PEX5L: variants seen among roughly 807,000 people sequenced by gnomAD.
The protein encoded by PEX5L is PEX5-related protein.
Under a neutral mutation model 84.0 loss-of-function variants are expected in PEX5L, and 30 were observed. The ratio of observed to expected loss-of-function variants is 0.36; its 90% CI spans 0.27 to 0.48. PEX5L has a LOEUF of 0.48. PEX5L is among the 20% of genes least tolerant of loss of function. The probability of loss-of-function intolerance (pLI) is 0.99; values close to 1 mark genes in which losing one functional copy is unlikely to be tolerated. For synonymous variants in PEX5L, 270 were observed against 283.1 expected, an observed-to-expected ratio of 0.95 and a Z score of 0.46; for missense variants, 533 against 754.6, an observed-to-expected ratio of 0.71 and a Z score of 3.44.
chr3:179,874,487 C>A (rs1216095892), intron 6 of PEX5L, 64 bp from the exon 7 acceptor site: 2 of 838,374 alleles, frequency 2.4e-6, no homozygotes, highest in Non-Finnish European at 4.0e-6. Flanking sequence ...TAAATCCAGC[C>A]AAGAAACTAG....
At chr3:179,833,956 T>TG (rs1163612328) in intron 8 of PEX5L, among the ~76,000 whole-genome samples, 1 of 152,186 alleles carries the variant, frequency 6.6e-6, no homozygotes, top group Non-Finnish European at 1.5e-5. Context: ...CACTTCAGCC[T>TG]TCCAAGTATC....
Position 179,797,348 on chromosome 3 carries a change from A to G in PEX5L, c.*4480T>C, listed in dbSNP as rs1285388004. 1.3e-5 allele frequency: 2 copies of G among 152,188 alleles called. No individual in the cohort carries two copies. Among genetic ancestry groups the G allele is most frequent in the Non-Finnish European group, 2.9e-5 (2 of 68,024 alleles). 9.4% of individuals were successfully genotyped at this position (152,188 alleles called of 1,614,324 possible). A position where few individuals can be genotyped will look rare whatever the true frequency, so the allele number is the denominator to read the frequency against. ...AGCAAATAGAAAAACTGTAACACAA[A>G]GTTCATAAAAATGCTCCCTTGTATA... On this transcript the variant is annotated 3_prime_UTR_variant, in exon 15 of 15. Coordinates refer to ENST00000467460, the MANE Select transcript of PEX5L (RefSeq NM_016559.3).
intron 1 of PEX5L, among the ~76,000 whole-genome samples, chr3:179,972,393 A>G (rs1361398017): frequency 6.6e-6 from 1 of 152,164 alleles, no homozygotes; most frequent in African/African-American, 2.4e-5. Flanking sequence ...AAGGACATAG[A>G]TAATGATAAT....
At chr3:179,876,552 T>G (rs544619435) in intron 5 of PEX5L, among the ~76,000 whole-genome samples, 1 of 152,226 alleles carries the variant, frequency 6.6e-6, no homozygotes, top group South Asian at 2.1e-4. Context: ...TTTTTCCCCT[T>G]CTTTTTAAAA....
chr3:179,828,968 T>C (rs1197981184), intron 8 of PEX5L, among the ~76,000 whole-genome samples: 1 of 152,158 alleles, frequency 6.6e-6, no homozygotes, highest in Non-Finnish European at 1.5e-5. Flanking sequence ...AAACCCAGAA[T>C]GTGGAGAAAA....
intron 4 of PEX5L, among the ~76,000 whole-genome samples, chr3:179,885,742 G>A (rs993094557): frequency 1.3e-5 from 2 of 152,014 alleles, no homozygotes; most frequent in Non-Finnish European, 2.9e-5. Context: ...CATGAATATT[G>A]GAGTTATGCT....
intron 1 of PEX5L, among the ~76,000 whole-genome samples, chr3:180,012,373 G>A (rs1024734684): frequency 6.7e-6 from 1 of 149,922 alleles, no homozygotes; most frequent in African/African-American, 2.5e-5. Flanking sequence ...GAGTATTTTT[G>A]TATTCTTGCT....
chr3:179,829,952 T>A (rs1732106196), intron 8 of PEX5L, among the ~76,000 whole-genome samples: 1 of 135,634 alleles, frequency 7.4e-6, no homozygotes, highest in Non-Finnish European at 1.6e-5. Flanking sequence ...AATTTTTTTT[T>A]TTTTTTTTTT....
At chr3:179,857,517 G>C (rs1744472233) in intron 8 of PEX5L, among the ~76,000 whole-genome samples, 1 of 152,186 alleles carries the variant, frequency 6.6e-6, no homozygotes, top group South Asian at 2.1e-4. Context: ...GTCTGGTGGG[G>C]ATAAACGACT....
At chr3:179,893,964 A>G (rs532744781) in intron 3 of PEX5L, among the ~76,000 whole-genome samples, 1 of 151,948 alleles carries the variant, frequency 6.6e-6, no homozygotes, top group Non-Finnish European at 1.5e-5. Flanking sequence ...GGGTCTTGCT[A>G]TGTTGCCCAG....
At chr3:180,036,437 G>A in intron 1 of PEX5L, 142 bp downstream of exon 1, 3 of 838,400 alleles carry the variant, frequency 3.6e-6, no homozygotes, top group East Asian at 2.5e-5. Context: ...CGGCAGCACC[G>A]GACAGAAATG....
intron 8 of PEX5L, among the ~76,000 whole-genome samples, chr3:179,850,577 G>C (rs1333438428): frequency 6.6e-6 from 1 of 152,056 alleles, no homozygotes; most frequent in African/African-American, 2.4e-5. Flanking sequence ...GAGAGCAAAG[G>C]GAGTTTTGCC....
chr3:179,919,986 A>G (rs757684614), intron 2 of PEX5L, among the ~76,000 whole-genome samples: 7 of 152,224 alleles, frequency 4.6e-5, no homozygotes, highest in Admixed American at 6.5e-5. Context: ...TACAGGCATG[A>G]GCCACTGAGC....
At chr3:179,973,312 C>A in intron 1 of PEX5L, 1 of 1,260,672 alleles carries the variant, frequency 7.9e-7, no homozygotes, top group Non-Finnish European at 1.0e-6. Flanking sequence ...ACCAGAGAAC[C>A]ACAGATCTTG....
At chr3:179,839,552 T>C (rs1433818862) in intron 8 of PEX5L, among the ~76,000 whole-genome samples, 1 of 152,194 alleles carries the variant, frequency 6.6e-6, no homozygotes, top group Non-Finnish European at 1.5e-5. Flanking sequence ...TAAAGTCTTA[T>C]ACTGAGAAAA....
At chr3:180,030,930 T>C (rs558002443) in intron 1 of PEX5L, among the ~76,000 whole-genome samples, 1 of 151,918 alleles carries the variant, frequency 6.6e-6, no homozygotes, top group African/African-American at 2.4e-5. Flanking sequence ...GTCTTTTTTT[T>C]TTTTTCAATG....
chr3:179,909,286 A>C (rs1237076908), intron 2 of PEX5L, among the ~76,000 whole-genome samples: 1 of 152,186 alleles, frequency 6.6e-6, no homozygotes, highest in Admixed American at 6.5e-5. Flanking sequence ...AGGGGACCTA[A>C]GAAGACCAAA....
intron 2 of PEX5L, among the ~76,000 whole-genome samples, chr3:179,910,854 C>A (rs963070567): frequency 3.9e-5 from 6 of 152,166 alleles, no homozygotes; most frequent in African/African-American, 1.4e-4. Flanking sequence ...ACTTTTCTGT[C>A]AAACTTTCTG....
chr3:179,900,741 AAG>A (rs2109017475), intron 2 of PEX5L: 2 of 1,534,136 alleles, frequency 1.3e-6, no homozygotes, highest in East Asian at 4.9e-5. Context: ...ACTACCTGAA[AAG>A]AGTCATGACA....
Sources: gnomAD v4.1 joint callset for allele counts (sites outside exome capture counted in the v4.1 genomes callset) on GRCh38, gnomAD v4.1.1 for gene constraint, MANE v1.5 for transcripts, NCBI Gene and HGNC (gene_info 2026-07-23, HGNC 2026-07-21) for gene names.